Variants in HPSE2 observed in about 807,000 individuals in gnomAD.
The protein encoded by HPSE2 is heparanase 2 (inactive).
HPSE2 carries 38 observed loss-of-function variants against 60.5 expected under a neutral mutation model. The observed-to-expected ratio is 0.63, with a 90% confidence interval of 0.48 to 0.82. HPSE2 has a LOEUF of 0.82. Ranked by LOEUF, HPSE2 falls within the 40% of genes least tolerant of loss-of-function variation. The pLI is 0.00. For synonymous variants in HPSE2, 295 were observed against 293.2 expected (o/e 1.01, Z -0.06); for missense variants, 713 against 740.4 (o/e 0.96, Z 0.43).
intron 2 of HPSE2, among the ~76,000 whole-genome samples, chr10:99,160,276 A>G (rs1403610388): frequency 1.3e-5 from 2 of 152,186 alleles, no homozygotes; most frequent in Non-Finnish European, 2.9e-5. Context: ...AGATCTGAAT[A>G]GACATTTCAC....
At chr10:99,035,854 A>C (rs561745539) in intron 3 of HPSE2, among the ~76,000 whole-genome samples, 1 of 152,326 alleles carries the variant, frequency 6.6e-6, no homozygotes, top group Middle Eastern at 3.4e-3. Flanking sequence ...CGATGAGAGA[A>C]CCAAGATGCA....
intron 9 of HPSE2, among the ~76,000 whole-genome samples, chr10:98,565,156 A>ATTT (rs1262739743): frequency 2.6e-5 from 1 of 38,334 alleles, no homozygotes; most frequent in East Asian, 7.8e-3. Context: ...AAACTTGAAG[A>ATTT]ATTTTTTTTT....
rs952792870 is a variant in HPSE2 at position 98,932,203 on chromosome 10, C to T, written c.611-188147G>A. Among the ~76,000 whole-genome samples the T allele has an allele frequency of 2.8e-5, 4 of 143,816 alleles. 1 individual carries two copies. The highest frequency in any genetic ancestry group is 1.1e-4 in the African/African-American group (4 of 35,416). 94.3% of individuals were successfully genotyped at this position (143,816 alleles called of 152,430 possible). ...AGGTATGTTGAATTTTACTGAAGGC[C>T]TTTTCTGAATCTATTGGAATAATCA... On this transcript the variant is annotated intron_variant, in intron 3 of 11. Coordinates refer to ENST00000370552, the MANE Select transcript of HPSE2 (RefSeq NM_021828.5).
At chr10:99,039,432 A>C (rs1293138038) in intron 3 of HPSE2, among the ~76,000 whole-genome samples, 1 of 152,090 alleles carries the variant, frequency 6.6e-6, no homozygotes, top group Non-Finnish European at 1.5e-5. Flanking sequence ...AACTACTGGA[A>C]TAATCAACTA....
intron 9 of HPSE2, among the ~76,000 whole-genome samples, chr10:98,610,523 A>C (rs1268150948): frequency 6.6e-6 from 1 of 152,194 alleles, no homozygotes; most frequent in Non-Finnish European, 1.5e-5. Context: ...CTCCAGAACA[A>C]TGTGCACAGC....
chr10:98,826,725 G>T (rs1951556781), intron 3 of HPSE2, among the ~76,000 whole-genome samples: 1 of 152,172 alleles, frequency 6.6e-6, no homozygotes, highest in Non-Finnish European at 1.5e-5. Context: ...AGTAGACATT[G>T]TGCTAGCCAC....
chr10:99,301,953 G>C, the HPSE2 span, among the ~76,000 whole-genome samples: 2 of 151,622 alleles, frequency 1.3e-5, no homozygotes, highest in Non-Finnish European at 1.5e-5. Context: ...CATGTCCCAG[G>C]AAACAGATCC....
chr10:98,721,674 G>A lies in HPSE2; in HGVS notation c.939C>T (p.Val313=). 6.2e-7 allele frequency: 1 copy of A among 1,613,672 alleles called. No homozygotes were observed. The highest frequency in any genetic ancestry group is 2.2e-5 in the East Asian group (1 of 44,860). ...TGACCTACCCATCTAGGAGGGCGAT[G>A]ACATTCTTCCTCGGCCGCCCAATAT... ...GPNIGRPRKN[V]IALLDGFMKV... Residue 313 remains valine, a synonymous_variant, in exon 5 of 12, where the codon GTC becomes GTT. Coordinates refer to ENST00000370552, the MANE Select transcript of HPSE2 (RefSeq NM_021828.5).
intron 9 of HPSE2, among the ~76,000 whole-genome samples, chr10:98,497,950 G>T (rs1365191021): frequency 6.6e-6 from 1 of 152,110 alleles, no homozygotes; most frequent in African/African-American, 2.4e-5. Flanking sequence ...ATGAACTTTG[G>T]CCAGAAATCT....
chr10:98,596,110 T>A (rs2133953207), intron 9 of HPSE2, among the ~76,000 whole-genome samples: 1 of 152,294 alleles, frequency 6.6e-6, no homozygotes, highest in East Asian at 1.9e-4. Flanking sequence ...TGCCAGTATT[T>A]TTTAGGTGAC....
intron 3 of HPSE2, among the ~76,000 whole-genome samples, chr10:98,962,742 A>G (rs2135239656): frequency 6.7e-6 from 1 of 150,074 alleles, no homozygotes; most frequent in Admixed American, 6.7e-5. Context: ...GTCTCAGGAT[A>G]CAAAATCAAT....
intron 3 of HPSE2, among the ~76,000 whole-genome samples, chr10:99,111,101 T>C (rs1844439475): frequency 6.6e-6 from 1 of 152,170 alleles, no homozygotes; most frequent in East Asian, 1.9e-4. Context: ...CCCTTCCTCC[T>C]TTGTCAAAGA....
chr10:99,116,775 A>G (rs182039290), intron 3 of HPSE2, among the ~76,000 whole-genome samples: 1 of 152,334 alleles, frequency 6.6e-6, no homozygotes, highest in East Asian at 1.9e-4. Flanking sequence ...CAGAGGCAAC[A>G]GTTGATGGGA....
At chr10:98,921,674 A>G (rs1312964065) in intron 3 of HPSE2, among the ~76,000 whole-genome samples, 2 of 152,184 alleles carry the variant, frequency 1.3e-5, no homozygotes, top group Non-Finnish European at 2.9e-5. Context: ...CCTTTGCCCA[A>G]CTGTGACATC....
chr10:99,181,121 G>A (rs10786515), intron 2 of HPSE2, among the ~76,000 whole-genome samples: 74,834 of 151,434 alleles, frequency 0.49, 21,659 homozygotes, highest in Non-Finnish European at 0.64. Context: ...ACACGCGGCC[G>A]GGCGCGGTGG....
chr10:98,736,432 C>T (rs1447150493), intron 4 of HPSE2, among the ~76,000 whole-genome samples: 1 of 152,086 alleles, frequency 6.6e-6, no homozygotes. Flanking sequence ...CTAACTGTGA[C>T]AGTAACCAGA....
intron 9 of HPSE2, among the ~76,000 whole-genome samples, chr10:98,577,066 G>C (rs750620201): frequency 6.0e-5 from 9 of 151,122 alleles, no homozygotes; most frequent in Non-Finnish European, 1.3e-4. Context: ...ACTTTCTTCT[G>C]TTCACTTCTG....
intron 9 of HPSE2, among the ~76,000 whole-genome samples, chr10:98,596,085 C>T (rs989170264): frequency 9.2e-5 from 14 of 152,110 alleles, no homozygotes; most frequent in African/African-American, 3.4e-4. Flanking sequence ...TTTTAACGTG[C>T]TGTTGAATTT....
At chr10:99,092,499 G>A (rs1021612174) in intron 3 of HPSE2, among the ~76,000 whole-genome samples, 1 of 152,156 alleles carries the variant, frequency 6.6e-6, no homozygotes. Flanking sequence ...AAATTTCACA[G>A]AGAAGAATAT....
Sources: gnomAD v4.1 joint callset for allele counts (sites outside exome capture counted in the v4.1 genomes callset) on GRCh38, gnomAD v4.1.1 for gene constraint, MANE v1.5 for transcripts, NCBI Gene and HGNC (gene_info 2026-07-23, HGNC 2026-07-21) for gene names.